The following SLTM variants were observed in gnomAD, a reference collection of about 807,000 sequenced individuals.
The protein encoded by SLTM is SAFB like transcription modulator.
A neutral mutation model predicts 134.6 loss-of-function variants in SLTM; 43 were observed. The observed-to-expected ratio is 0.32, with a 90% CI of 0.25 to 0.41. SLTM has a LOEUF of 0.41. SLTM is among the 10% of genes least tolerant of loss of function. SLTM has a pLI of 1.00. For missense variants in SLTM, 1,055 were observed against 1,288.8 expected, an observed-to-expected ratio of 0.82 and a Z score of 2.78; for synonymous variants, 424 against 432.3, an observed-to-expected ratio of 0.98 and a Z score of 0.24.
chr15:58,891,172 T>C (rs991402123), intron 14 of SLTM, among the ~76,000 whole-genome samples: 10 of 152,222 alleles, frequency 6.6e-5, no homozygotes, highest in African/African-American at 2.4e-4. Flanking sequence ...GTACTATTTC[T>C]ACAGAAATCA....
chr15:58,921,921 G>A (rs755512913), intron 2 of SLTM, among the ~76,000 whole-genome samples: 1 of 151,938 alleles, frequency 6.6e-6, no homozygotes, highest in Non-Finnish European at 1.5e-5. Flanking sequence ...GATTACAGGC[G>A]CATGCCACCA....
chr15:58,886,971 T>C lies in SLTM; in HGVS notation c.2835+4A>G. 1 of 1,612,272 alleles carries C rather than the reference T, an allele frequency of 6.2e-7. No individual in the cohort carries two copies. Among genetic ancestry groups the C allele is most frequent in the Non-Finnish European group, 8.5e-7 (1 of 1,179,984 alleles). On this transcript the variant is annotated splice_donor_region_variant and intron_variant, in intron 19 of 20. Transcript: ENST00000380516. ...GCTCGCGGCAAGCCTCCCGCAGCAC[T>C]TACCTGTGATCCACCTCCTCGGTCT... is the stretch of plus-strand genomic sequence containing the variant.
At chr15:58,883,851 A>G in intron 19 of SLTM, 65 bp from the exon 20 acceptor site, 3 of 1,562,092 alleles carry the variant, frequency 1.9e-6, no homozygotes, top group Non-Finnish European at 2.6e-6. Flanking sequence ...TAATCTCAGC[A>G]CTTTGGGAGG....
chr15:58,907,585 C>T (rs1292179155), intron 5 of SLTM, among the ~76,000 whole-genome samples: 1 of 152,218 alleles, frequency 6.6e-6, no homozygotes, highest in African/African-American at 2.4e-5. Context: ...CGCGTCGCCA[C>T]ACTCCAGCCT....
chr15:58,925,491 C>G (rs1205494976), intron 2 of SLTM, among the ~76,000 whole-genome samples: 4 of 152,116 alleles, frequency 2.6e-5, no homozygotes, highest in African/African-American at 9.7e-5. Context: ...GTGCCCAACA[C>G]CATGCCCAGC....
chr15:58,885,926 C>T (rs2034146188), intron 19 of SLTM, among the ~76,000 whole-genome samples: 1 of 152,120 alleles, frequency 6.6e-6, no homozygotes, highest in Non-Finnish European at 1.5e-5. Context: ...GAAAGTATGT[C>T]CTAACTGTGC....
chr15:58,892,773 C>T (rs1391442858), intron 14 of SLTM, 124 bp downstream of exon 14: 16 of 972,748 alleles, frequency 1.6e-5, no homozygotes, highest in African/African-American at 1.5e-4. Context: ...TAGATGCTAC[C>T]GTAACTTCTT....
rs192722970 is a variant in SLTM at position 58,887,975 on chromosome 15, A to C, written c.2375+410T>G. On this transcript the variant is annotated intron_variant, in intron 17 of 20. Coordinates refer to ENST00000380516, the MANE Select transcript of SLTM (RefSeq NM_024755.4). ...AGACCAGCCTGGCCAACATGGCAAAACCCCGTCTCTACTACAAATACAAAA... is the reference window on the plus strand; with the variant it reads ...AGACCAGCCTGGCCAACATGGCAAACCCCCGTCTCTACTACAAATACAAAA... 3.8e-3 allele frequency among the ~76,000 whole-genome samples: 576 copies of C among 152,062 alleles called. 6 individuals are homozygous for C. The highest frequency in any genetic ancestry group is 0.017 in the Middle Eastern group (5 of 294).
At chr15:58,883,523 G>A (rs1230966789) in intron 20 of SLTM, 103 bp downstream of exon 20, 2 of 1,465,214 alleles carry the variant, frequency 1.4e-6, no homozygotes, top group East Asian at 2.3e-5. Flanking sequence ...CAGATCTAGG[G>A]TTTTCAGTAG....
chr15:58,897,091 G>T, intron 9 of SLTM, 24 bp downstream of exon 9: 1 of 1,362,352 alleles, frequency 7.3e-7, no homozygotes, highest in Non-Finnish European at 1.1e-6. Context: ...CAGAAAGACA[G>T]ATAAAAAGGT....
At chr15:58,928,458 C>T (rs2037637730) in intron 2 of SLTM, among the ~76,000 whole-genome samples, 2 of 152,214 alleles carry the variant, frequency 1.3e-5, no homozygotes, top group South Asian at 4.1e-4. Context: ...CAAACATCTA[C>T]TCTATTAACT....
At chr15:58,910,284 A>T (rs1336097469) in intron 5 of SLTM, among the ~76,000 whole-genome samples, 3 of 152,208 alleles carry the variant, frequency 2.0e-5, no homozygotes, top group Admixed American at 2.0e-4. Context: ...ACTATGCAGT[A>T]TCCCTGAATG....
At chr15:58,915,650 A>C (rs2036582631) in intron 3 of SLTM, among the ~76,000 whole-genome samples, 1 of 152,134 alleles carries the variant, frequency 6.6e-6, no homozygotes, top group Non-Finnish European at 1.5e-5. Flanking sequence ...CAGTTCCTAA[A>C]ATTAACTGAT....
intron 5 of SLTM, among the ~76,000 whole-genome samples, chr15:58,907,368 T>A (rs1318869062): frequency 6.6e-6 from 1 of 152,208 alleles, no homozygotes; most frequent in Non-Finnish European, 1.5e-5. Flanking sequence ...ACACCTGTAA[T>A]CCAAATACTT....
intron 2 of SLTM, among the ~76,000 whole-genome samples, chr15:58,931,885 G>A (rs773391829): frequency 5.3e-5 from 8 of 152,084 alleles, no homozygotes; most frequent in Non-Finnish European, 1.0e-4. Flanking sequence ...CTAAAAATTA[G>A]GAGGTATAAT....
At chr15:58,917,931 G>A (rs561107987) in intron 2 of SLTM, among the ~76,000 whole-genome samples, 202 of 152,014 alleles carry the variant, frequency 1.3e-3, no homozygotes, top group Non-Finnish European at 1.6e-3. Flanking sequence ...TGTATTTTTA[G>A]TAGAGACAGA....
chr15:58,921,187 T>C (rs1313495684), intron 2 of SLTM, among the ~76,000 whole-genome samples: 2 of 152,168 alleles, frequency 1.3e-5, no homozygotes, highest in African/African-American at 2.4e-5. Flanking sequence ...TTTATGTACT[T>C]GTATTTTAAA....
chr15:58,921,133 G>C (rs1189068567), intron 2 of SLTM, among the ~76,000 whole-genome samples: 11 of 152,122 alleles, frequency 7.2e-5, no homozygotes, highest in African/African-American at 2.7e-4. Flanking sequence ...TACCACTGAA[G>C]TGGCATCTAT....
chr15:58,906,929 A>T (rs1442599118), intron 5 of SLTM, among the ~76,000 whole-genome samples: 1 of 152,232 alleles, frequency 6.6e-6, no homozygotes, highest in Non-Finnish European at 1.5e-5. Context: ...TTTAGTGAAA[A>T]GAATATCAGA....
Sources: gnomAD v4.1 joint callset for allele counts (sites outside exome capture counted in the v4.1 genomes callset) on GRCh38, gnomAD v4.1.1 for gene constraint, MANE v1.5 for transcripts, NCBI Gene and HGNC (gene_info 2026-07-23, HGNC 2026-07-21) for gene names.